Variants in MAPK10 observed in about 807,000 individuals in gnomAD.
MAPK10 encodes the protein JNK3 alpha protein kinase.
Under a neutral mutation model 59.3 loss-of-function variants are expected in MAPK10, and 25 were observed. The ratio of observed to expected loss-of-function variants is 0.42; its 90% CI spans 0.31 to 0.59. The LOEUF is 0.59. Among genes scored for constraint, MAPK10 ranks in the 20% least tolerant of loss-of-function variants. The pLI, the probability that MAPK10 is intolerant of heterozygous loss-of-function variation, is 0.15. For synonymous variants in MAPK10, 190 were observed against 200.5 expected, an observed-to-expected ratio of 0.95 and a Z score of 0.44; for missense variants, 351 against 568.9, an observed-to-expected ratio of 0.62 and a Z score of 3.90.
At chr4:86,226,800 T>A (rs2090697658) in intron 2 of MAPK10, among the ~76,000 whole-genome samples, 1 of 152,150 alleles carries the variant, frequency 6.6e-6, no homozygotes, top group Admixed American at 6.5e-5. Context: ...TACAAGCAGG[T>A]CTGAAAGCCA....
chr4:86,335,972 C>A (rs1474428464), intron 2 of MAPK10, among the ~76,000 whole-genome samples: 1 of 152,166 alleles, frequency 6.6e-6, no homozygotes, highest in Non-Finnish European at 1.5e-5. Flanking sequence ...TGGGTAGGGA[C>A]ACAGAGCCCA....
chr4:86,377,273 C>G (rs896575263), intron 1 of MAPK10, among the ~76,000 whole-genome samples: 4 of 152,226 alleles, frequency 2.6e-5, no homozygotes, highest in African/African-American at 9.6e-5. Flanking sequence ...TAGGTGGCCA[C>G]AGCTATAGCA....
intron 2 of MAPK10, among the ~76,000 whole-genome samples, chr4:86,286,344 C>T (rs2095008699): frequency 1.3e-5 from 2 of 152,138 alleles, no homozygotes; most frequent in African/African-American, 2.4e-5. Flanking sequence ...GAAACTACCA[C>T]GTTATTCTCA....
chr4:86,546,884 ATC>A (rs1425347399), intron 1 of MAPK10, among the ~76,000 whole-genome samples: 1 of 152,020 alleles, frequency 6.6e-6, no homozygotes, highest in African/African-American at 2.4e-5. Context: ...GTGAAACCCC[ATC>A]TCTACTAAAT....
intron 2 of MAPK10, among the ~76,000 whole-genome samples, chr4:86,252,437 C>T (rs1213362692): frequency 1.6e-5 from 2 of 123,500 alleles, no homozygotes; most frequent in East Asian, 4.3e-4. Flanking sequence ...GGAATCCTTT[C>T]CCCATTGCTT....
intron 1 of MAPK10, among the ~76,000 whole-genome samples, chr4:86,423,770 C>CAT (rs539111577): frequency 0.21 from 18,916 of 91,204 alleles, 1,706 homozygotes; most frequent in South Asian, 0.38. Flanking sequence ...GATATATATA[C>CAT]ATATATATAT....
At chr4:86,507,630 A>G (rs1381602641) in intron 1 of MAPK10, among the ~76,000 whole-genome samples, 1 of 54,500 alleles carries the variant, frequency 1.8e-5, no homozygotes, top group East Asian at 5.8e-4. Flanking sequence ...ATATATATAT[A>G]TATATATATA....
At chr4:86,170,477 A>C (rs1267789463) in intron 3 of MAPK10, among the ~76,000 whole-genome samples, 1 of 152,236 alleles carries the variant, frequency 6.6e-6, no homozygotes, top group African/African-American at 2.4e-5. Context: ...GAGACGAAGA[A>C]GGCCATTACA....
chr4:86,556,759 A>C (rs2149102532), intron 1 of MAPK10, among the ~76,000 whole-genome samples: 1 of 152,304 alleles, frequency 6.6e-6, no homozygotes, highest in Admixed American at 6.5e-5. Flanking sequence ...AAAAAGGGTA[A>C]CTAAACCAAA....
At chr4:86,375,677 T>A (rs965558792) in intron 1 of MAPK10, among the ~76,000 whole-genome samples, 16 of 117,636 alleles carry the variant, frequency 1.4e-4, no homozygotes, top group Non-Finnish European at 6.4e-5. Flanking sequence ...AGCATTCCAC[T>A]GCACTCCAGC....
intron 1 of MAPK10, among the ~76,000 whole-genome samples, chr4:86,536,240 T>C (rs536777797): frequency 1.5e-4 from 23 of 152,354 alleles, no homozygotes; most frequent in Admixed American, 1.4e-3. Flanking sequence ...ACAGTAAATA[T>C]GCTCATATAA....
chr4:86,470,145 T>A (rs187627705), intron 1 of MAPK10, among the ~76,000 whole-genome samples: 32 of 152,336 alleles, frequency 2.1e-4, no homozygotes, highest in Non-Finnish European at 4.4e-5. Context: ...TAATTATATT[T>A]CACAGAAGCT....
rs527400605 is a variant in MAPK10 at position 86,145,278 on chromosome 4, C to T, written c.236+14020G>A. Among the ~76,000 whole-genome samples, 12 of 89,504 alleles carry T rather than the reference C, an allele frequency of 1.3e-4. 2 individuals carry two copies. The highest frequency in any genetic ancestry group is 4.0e-4 in the African/African-American group (6 of 15,100). 58.7% of individuals were successfully genotyped at this position (89,504 alleles called of 152,430 possible). ...ACGGGAGGCTGAGGCAGGAGAATGGCGTGAACCCGGGAGGCGGAGCTTGCA... is the reference window on the plus strand; with the variant it reads ...ACGGGAGGCTGAGGCAGGAGAATGGTGTGAACCCGGGAGGCGGAGCTTGCA... On this transcript the variant is annotated intron_variant, in intron 4 of 13. Coordinates refer to ENST00000641462, the MANE Select transcript of MAPK10 (RefSeq NM_138982.4).
intron 1 of MAPK10, among the ~76,000 whole-genome samples, chr4:86,449,229 C>A (rs1750413327): frequency 6.6e-6 from 1 of 152,124 alleles, no homozygotes; most frequent in Non-Finnish European, 1.5e-5. Flanking sequence ...TTTTAAATCT[C>A]CAGATCTAAT....
chr4:86,500,635 A>C (rs998674944), intron 1 of MAPK10, among the ~76,000 whole-genome samples: 4 of 152,056 alleles, frequency 2.6e-5, no homozygotes, highest in African/African-American at 9.7e-5. Flanking sequence ...TGCCTTACCT[A>C]AGCCCTCTAT....
chr4:86,012,563 C>T lies in MAPK10; in HGVS notation c.*4665G>A, dbSNP rs186361244. 2.0e-5 allele frequency: 3 copies of T among 152,110 alleles called. No individual in the cohort carries two copies. Among genetic ancestry groups the T allele is most frequent in the African/African-American group, 4.8e-5 (2 of 41,404 alleles). 9.4% of individuals were successfully genotyped at this position (152,110 alleles called of 1,614,324 possible). ...ATCATAATATATTGACTCCATATTA[C>T]CTAAAAAGAGTCAAAAGAAGCAGAA... is the stretch of plus-strand genomic sequence containing the variant. On this transcript the variant is annotated 3_prime_UTR_variant, in exon 14 of 14. Transcript: ENST00000641462.
chr4:86,138,695 G>A (rs370218565), intron 4 of MAPK10, among the ~76,000 whole-genome samples: 6 of 151,068 alleles, frequency 4.0e-5, no homozygotes, highest in Non-Finnish European at 5.9e-5. Context: ...GGGCAATTAG[G>A]CAGGAGAAGG....
chr4:86,084,518 A>G (rs1423452472), intron 9 of MAPK10, among the ~76,000 whole-genome samples: 1 of 152,226 alleles, frequency 6.6e-6, no homozygotes, highest in East Asian at 1.9e-4. Context: ...CAAATAAAAT[A>G]AAATACCTAA....
At chr4:86,108,280 T>C (rs1374912712) in intron 4 of MAPK10, among the ~76,000 whole-genome samples, 1 of 152,080 alleles carries the variant, frequency 6.6e-6, no homozygotes, top group African/African-American at 2.4e-5. Context: ...AGAGATCAAA[T>C]GAGAAAGTGA....
Sources: gnomAD v4.1 joint callset for allele counts (sites outside exome capture counted in the v4.1 genomes callset) on GRCh38, gnomAD v4.1.1 for gene constraint, MANE v1.5 for transcripts, NCBI Gene and HGNC (gene_info 2026-07-23, HGNC 2026-07-21) for gene names.